HNRNPA3: variants seen among roughly 807,000 people sequenced by gnomAD.
HNRNPA3 encodes the protein heterogeneous nuclear ribonucleoprotein A3.
In HNRNPA3, 3 loss-of-function variants were observed where a neutral mutation model predicts 45.8. The ratio of observed to expected loss-of-function variants is 0.07; its 90% CI spans 0.03 to 0.17. The LOEUF (loss-of-function observed/expected upper bound fraction) is 0.17, where lower values mean the gene tolerates loss of function less well. HNRNPA3 is among the 10% of genes least tolerant of loss of function. The pLI is 1.00. For synonymous variants in HNRNPA3, 170 were observed against 155.6 expected (o/e 1.09, Z -0.69); for missense variants, 183 against 480.3 (o/e 0.38, Z 5.79).
chr2:177,217,244 A>G (rs1688980722), intron 7 of HNRNPA3, among the ~76,000 whole-genome samples: 1 of 152,094 alleles, frequency 6.6e-6, no homozygotes, highest in Non-Finnish European at 1.5e-5. Flanking sequence ...TGGGTTACAC[A>G]TTTATTTTTC....
chr2:177,217,341 G>T (rs950953128), intron 7 of HNRNPA3, among the ~76,000 whole-genome samples: 2 of 152,162 alleles, frequency 1.3e-5, no homozygotes, highest in African/African-American at 4.8e-5. Flanking sequence ...TGGCTTATTT[G>T]CCAGTGGCTT....
intron 7 of HNRNPA3, among the ~76,000 whole-genome samples, 176 bp downstream of exon 7, chr2:177,217,116 C>T (rs182256477): frequency 2.0e-5 from 3 of 152,286 alleles, no homozygotes; most frequent in East Asian, 1.9e-4. Flanking sequence ...ACATTAGCTG[C>T]TCTTTTTCAG....
chr2:177,217,084 G>T (rs1048010450), intron 7 of HNRNPA3, 144 bp downstream of exon 7: 2 of 885,338 alleles, frequency 2.3e-6, no homozygotes, highest in Admixed American at 7.2e-5. Flanking sequence ...GGAAGAACAG[G>T]AACCCTTTTT....
downstream of HNRNPA3, chr2:177,222,740 G>C (rs1388461460): frequency 6.6e-6 from 1 of 152,590 alleles, no homozygotes; most frequent in Non-Finnish European, 1.5e-5. Flanking sequence ...GCAGTGAGCT[G>C]ACTGCCCCAC....
At position 177,216,956 on chromosome 2, in the gene HNRNPA3, T is replaced by C; in HGVS notation, c.820+16T>C. ...GGAGGTGATGGTAGGTGGCTTATTT[T>C]CATTGATGTTTGATATTTTAACTTT... On this transcript the variant is annotated intron_variant, in intron 7 of 10. Coordinates refer to ENST00000392524, the Ensembl canonical transcript of HNRNPA3. 6.7e-7 allele frequency: 1 copy of C among 1,487,648 alleles called. No homozygotes were observed. The highest frequency in any genetic ancestry group is 2.5e-5 in the Admixed American group (1 of 39,552). 92.2% of individuals were successfully genotyped at this position (1,487,648 alleles called of 1,614,324 possible).
In HNRNPA3 at chr2:177,216,428, CAG is replaced by C. The variant is rs1250141413; in HGVS notation, c.554-72_554-71del. ...TATGTCTTAATGGGTTACATAATGA[CAG>C]AGGGTATCTCATATATGTGCTTTTC... On this transcript the variant is annotated intron_variant, in intron 4 of 10. Transcript: ENST00000392524. The C allele has an allele frequency of 2.9e-5, 30 of 1,037,908 alleles. No homozygotes were observed. The South Asian group carries it at 3.1e-4, about 11-fold the overall frequency. The allele number at this position is 1,037,908 out of a possible 1,614,324, so 64.3% of individuals were successfully genotyped here.
At chr2:177,223,289 G>A (rs1689267206), downstream of HNRNPA3, 1 of 151,152 alleles carries the variant, frequency 6.6e-6, no homozygotes, top group Non-Finnish European at 1.5e-5. Flanking sequence ...TTTTTTAAGG[G>A]CATTGTTCTT....
chr2:177,213,230 A>C (rs1255625641), intron 1 of HNRNPA3, among the ~76,000 whole-genome samples: 1 of 152,190 alleles, frequency 6.6e-6, no homozygotes, highest in African/African-American at 2.4e-5. Context: ...GAGCAGGCAC[A>C]TCCGGGCGAG....
chr2:177,219,303 C>T (rs1574246194), exon 10 of HNRNPA3: 2 of 1,610,886 alleles, frequency 1.2e-6, no homozygotes, highest in South Asian at 1.1e-5. Flanking sequence ...GTTCTAAAAA[C>T]AGCAGAAAAG....
At position 177,217,692 on chromosome 2, in the gene HNRNPA3, G is replaced by C. The variant is rs749654176; in HGVS notation, c.821-13G>C. 4 of 1,612,230 alleles carry C rather than the reference G, an allele frequency of 2.5e-6. No individual in the cohort carries two copies. Among genetic ancestry groups the C allele is most frequent in the Non-Finnish European group, 3.4e-6 (4 of 1,179,814 alleles). ...AAGTTTTTGTGTGGTCTTGTTATTTGTTGTTTTTTTAGGTGGCAACTATGG... is the reference window on the plus strand; with the variant it reads ...AAGTTTTTGTGTGGTCTTGTTATTTCTTGTTTTTTTAGGTGGCAACTATGG... On this transcript the variant is annotated splice_polypyrimidine_tract_variant and intron_variant, in intron 7 of 10. Transcript: ENST00000392524.
intron 1 of HNRNPA3, 97 bp from the exon 2 acceptor site, chr2:177,215,442 G>A (rs1558968750): frequency 1.6e-6 from 2 of 1,226,012 alleles, no homozygotes; most frequent in East Asian, 4.7e-5. Context: ...ACAGGAATTT[G>A]ATGTTGATTT....
At chr2:177,218,052 CTTTTTTTTT>C (rs58476089) in intron 8 of HNRNPA3, among the ~76,000 whole-genome samples, 10 of 102,178 alleles carry the variant, frequency 9.8e-5, no homozygotes, top group South Asian at 3.0e-4. Flanking sequence ...TCTCTTTTTT[CTTTTTTTTT>C]TTTTTTTTTT....
intron 1 of HNRNPA3, among the ~76,000 whole-genome samples, chr2:177,213,717 A>G (rs1478366085): frequency 1.3e-5 from 2 of 152,240 alleles, no homozygotes; most frequent in Non-Finnish European, 2.9e-5. Flanking sequence ...TGGGTGGAGA[A>G]GAATTTGAGT....
rs960211435 is a variant in HNRNPA3 at position 177,218,972 on chromosome 2, A to G, written c.962-65A>G. 6.3e-6 allele frequency: 10 copies of G among 1,580,810 alleles called. No homozygotes were observed. The Admixed American group carries it at 1.4e-4, about 22-fold the overall frequency. ...ATAATTCTCAAAAGATAATAGTTACATACGTTAAAAGGGGAAAATGATGAT... is the reference window on the plus strand; with the variant it reads ...ATAATTCTCAAAAGATAATAGTTACGTACGTTAAAAGGGGAAAATGATGAT... On this transcript the variant is annotated intron_variant, in intron 8 of 10. Coordinates refer to ENST00000392524, the Ensembl canonical transcript of HNRNPA3.
At chr2:177,221,477 A>G (rs557380489), downstream of HNRNPA3, 2 of 152,758 alleles carry the variant, frequency 1.3e-5, no homozygotes, top group South Asian at 2.1e-4. Context: ...CCAACTTTCT[A>G]TGTTCTGGAA....
At chr2:177,218,045 CTTTT>C (rs1182076649) in intron 8 of HNRNPA3, among the ~76,000 whole-genome samples, 200 bp downstream of exon 8, 1 of 107,640 alleles carries the variant, frequency 9.3e-6, no homozygotes, top group South Asian at 3.0e-4. Context: ...ACTCAGCTCT[CTTTT>C]TTCTTTTTTT....
At chr2:177,218,890 C>T (rs1689074957) in intron 8 of HNRNPA3, 147 bp from the exon 9 acceptor site, 6 of 891,814 alleles carry the variant, frequency 6.7e-6, no homozygotes, top group Admixed American at 2.7e-5. Context: ...CTTTTAATAT[C>T]CTGACATCAG....
chr2:177,215,465 T>C, intron 1 of HNRNPA3, 74 bp from the exon 2 acceptor site: 10 of 1,422,802 alleles, frequency 7.0e-6, no homozygotes, highest in Non-Finnish European at 9.8e-6. Context: ...TTACTTACCG[T>C]ACATTAAAGG....
intron 8 of HNRNPA3, 54 bp from the exon 9 acceptor site, chr2:177,218,983 G>A: frequency 6.3e-7 from 1 of 1,598,426 alleles, no homozygotes; most frequent in Non-Finnish European, 8.5e-7. Flanking sequence ...TACGTTAAAA[G>A]GGGAAAATGA....
Sources: allele counts gnomAD v4.1 joint callset (sites outside exome capture counted in the v4.1 genomes callset), GRCh38; gene constraint gnomAD v4.1.1; transcripts MANE v1.5; gene names NCBI Gene and HGNC (gene_info 2026-07-23, HGNC 2026-07-21).